KCNMB3: variants seen among roughly 807,000 people sequenced by gnomAD.
The protein encoded by KCNMB3 is calcium-activated potassium channel subunit beta-3.
A neutral mutation model predicts 11.9 loss-of-function variants in KCNMB3; 18 were observed. That is an observed-to-expected ratio of 1.51 (90% CI 1.04 to 2.23). The LOEUF is 2.23. Among genes scored for constraint, KCNMB3 ranks in the 30% most tolerant of loss-of-function variants. The pLI is 0.00. For synonymous variants in KCNMB3, 78 were observed against 119.2 expected (o/e 0.65, Z 2.25); for missense variants, 247 against 329.4 (o/e 0.75, Z 1.94).
Position 179,250,761 on chromosome 3 carries a change from A to C in KCNMB3, c.230T>G (p.Leu77Arg). 2 of 1,614,230 alleles carry C rather than the reference A, an allele frequency of 1.2e-6. No homozygotes were observed. Among genetic ancestry groups the C allele is most frequent in the South Asian group, 1.1e-5 (1 of 91,084 alleles). Residue 77 changes from leucine to arginine, a missense_variant, in exon 1 of 3, where the codon CTA becomes CGA. Around this residue, in one of 2 missense-constraint regions of KCNMB3, gnomAD observed 160 missense variants for 157.5 expected, o/e 1.02. Coordinates refer to ENST00000392685, the MANE Select transcript of KCNMB3 (RefSeq NM_171830.2). The stretch of plus-strand genomic sequence containing the variant: ...TTCTTACCTGAGCATAAAAGGCTTT[A>C]GAATGGTTGTTCCGAGCAAGAAGAA... Reference protein sequence around the residue: ...LMFFLLGTTILKPFMLSIQRE... With the variant: ...LMFFLLGTTIRKPFMLSIQRE...
chr3:179,260,324 GC>G (rs1262684743), intron 1 of KCNMB3: 1 of 1,613,870 alleles, frequency 6.2e-7, no homozygotes, highest in African/African-American at 1.3e-5. Flanking sequence ...CAAGAATTTG[GC>G]TTTGAACCTG....
chr3:179,263,461 G>A (rs944110969), intron 1 of KCNMB3, among the ~76,000 whole-genome samples: 22 of 152,262 alleles, frequency 1.4e-4, no homozygotes, highest in Non-Finnish European at 2.6e-4. Flanking sequence ...CTCCTCAGGC[G>A]CGGCCAGAGT....
intron 2 of KCNMB3, among the ~76,000 whole-genome samples, chr3:179,243,559 C>T (rs1480437326): frequency 1.6e-5 from 2 of 128,928 alleles, no homozygotes; most frequent in Non-Finnish European, 3.4e-5. Flanking sequence ...GAATATGACT[C>T]CTCCCTACAT....
intron 1 of KCNMB3, chr3:179,260,776 C>A: frequency 7.0e-7 from 1 of 1,435,096 alleles, no homozygotes; most frequent in Non-Finnish European, 9.8e-7. Context: ...CGTGTTTTTC[C>A]CTTTCAAATT....
At chr3:179,260,050 C>G in intron 1 of KCNMB3, 1 of 1,611,922 alleles carries the variant, frequency 6.2e-7, no homozygotes, top group Middle Eastern at 1.7e-4. Context: ...ATGCTTGTCT[C>G]TAACTGTTGG....
At chr3:179,242,571 G>GAT (rs1725490736), downstream of KCNMB3, 1 of 198,274 alleles carries the variant, frequency 5.0e-6, no homozygotes, top group African/African-American at 2.4e-5. Context: ...CAGTAGATTA[G>GAT]ATACCCTCAT....
chr3:179,260,433 A>C, intron 1 of KCNMB3: 2 of 1,613,768 alleles, frequency 1.2e-6, no homozygotes, highest in Non-Finnish European at 1.7e-6. Context: ...GAATACCTCT[A>C]TGTCCACACA....
chr3:179,252,456 C>G (rs1206237408), upstream of KCNMB3, among the ~76,000 whole-genome samples: 4 of 152,154 alleles, frequency 2.6e-5, no homozygotes, highest in Admixed American at 2.6e-4. Context: ...ATCCCACATC[C>G]TTCCCCTTCC....
At chr3:179,259,252 C>T in intron 1 of KCNMB3, 1 of 1,534,690 alleles carries the variant, frequency 6.5e-7, no homozygotes, top group Non-Finnish European at 8.7e-7. Flanking sequence ...GAGGGACTTT[C>T]ATTTTTGGGT....
At chr3:179,266,722 T>C (rs1396151033) in exon 1 of KCNMB3, 3 of 1,613,120 alleles carry the variant, frequency 1.9e-6, no homozygotes, top group Non-Finnish European at 2.5e-6. Context: ...AGGCCAGGGG[T>C]CTGAGAAAAT....
At chr3:179,265,225 T>C (rs1050371622) in intron 1 of KCNMB3, among the ~76,000 whole-genome samples, 1 of 152,198 alleles carries the variant, frequency 6.6e-6, no homozygotes, top group Non-Finnish European at 1.5e-5. Flanking sequence ...GTCTGTCTGG[T>C]CCTTCTTCCC....
intron 1 of KCNMB3, among the ~76,000 whole-genome samples, chr3:179,262,856 A>G (rs183282477): frequency 1.6e-4 from 25 of 152,330 alleles, no homozygotes; most frequent in Non-Finnish European, 2.6e-4. Context: ...ACCCTGAGCT[A>G]GATACAGGGT....
downstream of KCNMB3, chr3:179,241,992 A>G (rs1286712422): frequency 2.6e-5 from 4 of 154,204 alleles, no homozygotes; most frequent in Non-Finnish European, 5.9e-5. Context: ...AACTAGAAAA[A>G]TGTTACTGAA....
At chr3:179,241,083 CCT>C (rs1725443430), downstream of KCNMB3, 1 of 152,026 alleles carries the variant, frequency 6.6e-6, no homozygotes, top group Admixed American at 6.6e-5. Flanking sequence ...CTATCCCTAG[CCT>C]CTATACCAGC....
intron 1 of KCNMB3, chr3:179,260,691 G>C: frequency 7.2e-7 from 1 of 1,387,920 alleles, no homozygotes; most frequent in Non-Finnish European, 1.0e-6. Context: ...ATTATTCCAT[G>C]TTTCTCGAGC....
intron 1 of KCNMB3, chr3:179,260,308 C>T (rs750952075): frequency 1.1e-5 from 17 of 1,613,858 alleles, no homozygotes; most frequent in African/African-American, 2.7e-5. Flanking sequence ...GGGAGAGAAG[C>T]GCTCTCAAGA....
rs111606247 is a variant in KCNMB3, at chr3:179,249,199, G to C, written c.248+1544C>G. ...AGCTAATTTTTTTGTATTTTTAGTA[G>C]AGACGGGGTTTCAGCATGTTAGCCA... On this transcript the variant is annotated intron_variant, in intron 1 of 2. Coordinates refer to ENST00000392685, the MANE Select transcript of KCNMB3 (RefSeq NM_171830.2). Among the ~76,000 whole-genome samples the C allele has an allele frequency of 1.1e-3, 161 of 150,380 alleles. 4 individuals carry two copies. The highest frequency in any genetic ancestry group is 3.5e-3 in the African/African-American group (144 of 41,154).
At chr3:179,266,231 G>A (rs998451678) in intron 1 of KCNMB3, among the ~76,000 whole-genome samples, 1 of 151,540 alleles carries the variant, frequency 6.6e-6, no homozygotes, top group African/African-American at 2.4e-5. Flanking sequence ...GACCTGCCCA[G>A]TCATATGGCT....
chr3:179,243,557 C>T (rs1725534087), intron 2 of KCNMB3, among the ~76,000 whole-genome samples: 1 of 150,310 alleles, frequency 6.7e-6, no homozygotes, highest in African/African-American at 2.5e-5. Context: ...AGGAATATGA[C>T]TCCTCCCTAC....
Sources: allele counts gnomAD v4.1 joint callset (sites outside exome capture counted in the v4.1 genomes callset), GRCh38; gene constraint gnomAD v4.1.1; regional missense constraint gnomAD v4.1.1; transcripts MANE v1.5; gene names NCBI Gene and HGNC (gene_info 2026-07-23, HGNC 2026-07-21).